Variants in AKAP19 observed in about 807,000 individuals in gnomAD.
AKAP19 encodes the protein small A-kinase anchoring protein.
At chr2:189,917,498 A>G in the AKAP19 span, 1 of 655,196 alleles carries the variant, frequency 1.5e-6, no homozygotes. Flanking sequence ...TTCTGCTTTC[A>G]GGGGCTCTTC....
At chr2:190,078,210 G>A in the AKAP19 span, among the ~76,000 whole-genome samples, 1 of 152,068 alleles carries the variant, frequency 6.6e-6, no homozygotes, top group Admixed American at 6.5e-5. Flanking sequence ...TCCCTGTACT[G>A]TGATCCAAAA....
At chr2:190,037,712 C>A in the AKAP19 span, among the ~76,000 whole-genome samples, 10 of 152,188 alleles carry the variant, frequency 6.6e-5, no homozygotes, top group African/African-American at 2.4e-4. Context: ...ACTAATAATT[C>A]TCTTTCTTCC....
At chr2:190,156,020 T>A in the AKAP19 span, among the ~76,000 whole-genome samples, 1 of 152,164 alleles carries the variant, frequency 6.6e-6, no homozygotes, top group South Asian at 2.1e-4. Flanking sequence ...AAAGGCTATA[T>A]GGAATAATTA....
the AKAP19 span, among the ~76,000 whole-genome samples, chr2:190,009,270 C>G: frequency 6.6e-6 from 1 of 152,062 alleles, no homozygotes; most frequent in Non-Finnish European, 1.5e-5. Flanking sequence ...TACTCAACTT[C>G]TGTATAGGGA....
chr2:190,195,815 A>G, the AKAP19 span, among the ~76,000 whole-genome samples: 2 of 152,196 alleles, frequency 1.3e-5, no homozygotes, highest in African/African-American at 4.8e-5. Context: ...TGAATCTAAA[A>G]GGTTGTCGCC....
chr2:189,898,972 T>A, the AKAP19 span, among the ~76,000 whole-genome samples: 3 of 152,184 alleles, frequency 2.0e-5, no homozygotes, highest in African/African-American at 7.2e-5. Context: ...TTCCAAATAC[T>A]TTTTTATCTT....
chr2:189,959,479 C>T, the AKAP19 span, among the ~76,000 whole-genome samples: 1 of 152,106 alleles, frequency 6.6e-6, no homozygotes, highest in African/African-American at 2.4e-5. Flanking sequence ...GGTATTTATA[C>T]ATTTCTCATT....
the AKAP19 span, among the ~76,000 whole-genome samples, chr2:190,071,276 C>T: frequency 1.3e-5 from 2 of 152,078 alleles, no homozygotes; most frequent in Non-Finnish European, 2.9e-5. Flanking sequence ...AATGAGACCC[C>T]ATCTCTACAA....
chr2:190,170,162 G>T, the AKAP19 span, among the ~76,000 whole-genome samples: 1 of 152,126 alleles, frequency 6.6e-6, no homozygotes, highest in Non-Finnish European at 1.5e-5. Flanking sequence ...GCAGGCTCTT[G>T]GGTTTCTGTT....
the AKAP19 span, among the ~76,000 whole-genome samples, chr2:189,971,702 T>G: frequency 0.011 from 1,740 of 152,318 alleles, 32 homozygotes; most frequent in African/African-American, 0.04. Context: ...GGTATCTCAT[T>G]GCGGTTTTGA....
chr2:189,888,008 G>A, the AKAP19 span, among the ~76,000 whole-genome samples: 176 of 152,244 alleles, frequency 1.2e-3, 5 homozygotes, highest in Admixed American at 0.012. Context: ...TGCTTTTGGT[G>A]TTTTAGTCAT....
the AKAP19 span, among the ~76,000 whole-genome samples, chr2:189,910,926 G>A: frequency 2.0e-5 from 3 of 151,986 alleles, no homozygotes; most frequent in African/African-American, 7.2e-5. Context: ...ATTTAAAGGA[G>A]AGGCATAGTT....
At chr2:190,190,955 A>T in the AKAP19 span, among the ~76,000 whole-genome samples, 1 of 152,056 alleles carries the variant, frequency 6.6e-6, no homozygotes, top group Non-Finnish European at 1.5e-5. Flanking sequence ...CCTCCTGTCA[A>T]CCACTAATCT....
chr2:190,059,107 A>G, the AKAP19 span, among the ~76,000 whole-genome samples: 22 of 151,874 alleles, frequency 1.4e-4, no homozygotes, highest in Non-Finnish European at 3.2e-4. Context: ...TCTGCTAATT[A>G]TATCATCTTT....
At chr2:190,128,379 A>G in the AKAP19 span, among the ~76,000 whole-genome samples, 1 of 152,226 alleles carries the variant, frequency 6.6e-6, no homozygotes, top group African/African-American at 2.4e-5. Flanking sequence ...AGAGCTAAAG[A>G]TGGATTAATC....
chr2:190,048,554 A>G, the AKAP19 span, among the ~76,000 whole-genome samples: 5 of 152,150 alleles, frequency 3.3e-5, no homozygotes, highest in Admixed American at 6.6e-5. Context: ...CCCATTAACC[A>G]TCCCCCCACG....
the AKAP19 span, among the ~76,000 whole-genome samples, chr2:190,004,207 G>T: frequency 6.6e-6 from 1 of 152,068 alleles, no homozygotes; most frequent in East Asian, 1.9e-4. Context: ...ACACCAGCAT[G>T]GCACATGTAT....
At chr2:190,059,810 T>A in the AKAP19 span, among the ~76,000 whole-genome samples, 141 of 152,028 alleles carry the variant, frequency 9.3e-4, 1 homozygote, top group Middle Eastern at 3.4e-3. Context: ...TCAAAAGGAC[T>A]TCTTAAGAAG....
At chr2:189,890,497 C>G in the AKAP19 span, among the ~76,000 whole-genome samples, 1 of 152,110 alleles carries the variant, frequency 6.6e-6, no homozygotes, top group Non-Finnish European at 1.5e-5. Context: ...TCTTGTTGAT[C>G]TATCTAATAT....
Sources: allele counts gnomAD v4.1 joint callset (sites outside exome capture counted in the v4.1 genomes callset), GRCh38; gene constraint gnomAD v4.1.1; transcripts MANE v1.5; gene names NCBI Gene and HGNC (gene_info 2026-07-23, HGNC 2026-07-21).